CDIN1: variants seen among roughly 807,000 people sequenced by gnomAD.
The protein encoded by CDIN1 is CDAN1-interacting nuclease 1.
A neutral mutation model predicts 45.3 loss-of-function variants in CDIN1; 33 were observed. That is an observed-to-expected ratio of 0.73 (90% confidence interval 0.55 to 0.97). The LOEUF (loss-of-function observed/expected upper bound fraction) is 0.97, where lower values mean the gene tolerates loss of function less well. Ranked by LOEUF, CDIN1 falls within the 50% of genes least tolerant of loss-of-function variation. The pLI is 0.00. For missense variants in CDIN1, 303 were observed against 339.4 expected (o/e 0.89, Z 0.84); for synonymous variants, 118 against 124.4 (o/e 0.95, Z 0.34).
chr15:36,690,487 C>A (rs1418332791), intron 5 of CDIN1, among the ~76,000 whole-genome samples: 1 of 151,966 alleles, frequency 6.6e-6, no homozygotes, highest in Non-Finnish European at 1.5e-5. Context: ...CCAGGATGGT[C>A]TTGATCTCCT....
intron 4 of CDIN1, among the ~76,000 whole-genome samples, chr15:36,654,512 C>CAAAA (rs2040703414): frequency 1.7e-5 from 1 of 59,212 alleles, no homozygotes. Context: ...GAGATGGATG[C>CAAAA]CAAAAAAAAA....
Position 36,809,164 on chromosome 15 carries a change from C to A in CDIN1, c.*711C>A. 1 of 313,242 alleles carries A rather than the reference C, an allele frequency of 3.2e-6. No homozygotes were observed. Among genetic ancestry groups the A allele is most frequent in the South Asian group, 2.7e-5 (1 of 37,294 alleles). The allele number at this position is 313,242 out of a possible 1,614,324, so 19.4% of individuals were successfully genotyped here. On this transcript the variant is annotated 3_prime_UTR_variant, in exon 11 of 11. Coordinates refer to ENST00000566621, the MANE Select transcript of CDIN1 (RefSeq NM_001321759.2). ...TGAACACCACATATTTTAGATTTAT[C>A]TTATTTGAAAGTATTAGTTCCATTG... is the stretch of plus-strand genomic sequence containing the variant.
At position 36,807,355 on chromosome 15, in the gene CDIN1, A is replaced by T. The variant is rs576528970; in HGVS notation, c.717-969A>T. Among the ~76,000 whole-genome samples, 4 of 152,276 alleles carry T rather than the reference A, an allele frequency of 2.6e-5. No homozygotes were observed. The East Asian group carries it at 7.7e-4, about 29-fold the overall frequency. On this transcript the variant is annotated intron_variant, in intron 10 of 10. Coordinates refer to ENST00000566621, the MANE Select transcript of CDIN1 (RefSeq NM_001321759.2). The stretch of plus-strand genomic sequence containing the variant: ...ATGCTTTTACTAACCCAACATTCAT[A>T]ATTTATTATTTCACTGTAAAATTCC...
chr15:36,752,066 T>C (rs2053490247), intron 10 of CDIN1, among the ~76,000 whole-genome samples: 1 of 152,126 alleles, frequency 6.6e-6, no homozygotes, highest in African/African-American at 2.4e-5. Context: ...CTTAGGTGAT[T>C]GGTCGATAGG....
chr15:36,714,703 G>A (rs1206730206), intron 10 of CDIN1, among the ~76,000 whole-genome samples: 1 of 152,030 alleles, frequency 6.6e-6, no homozygotes, highest in Non-Finnish European at 1.5e-5. Context: ...AAGGTGTCAA[G>A]CACATGCCCA....
intron 5 of CDIN1, among the ~76,000 whole-genome samples, chr15:36,659,663 T>A (rs1466015774): frequency 6.6e-6 from 1 of 151,460 alleles, no homozygotes; most frequent in Middle Eastern, 3.2e-3. Context: ...ATGACAGATA[T>A]TTGATGTTAT....
At chr15:36,782,205 A>C (rs1247256235) in intron 10 of CDIN1, among the ~76,000 whole-genome samples, 1 of 152,206 alleles carries the variant, frequency 6.6e-6, no homozygotes, top group Non-Finnish European at 1.5e-5. Flanking sequence ...CATAATTTAT[A>C]AACTAAATTA....
At chr15:36,609,934 A>G (rs1413641987) in intron 1 of CDIN1, among the ~76,000 whole-genome samples, 1 of 152,212 alleles carries the variant, frequency 6.6e-6, no homozygotes, top group African/African-American at 2.4e-5. Flanking sequence ...AACTTTCTAC[A>G]GTCTGAGAGA....
intron 2 of CDIN1, among the ~76,000 whole-genome samples, chr15:36,644,807 T>C (rs2040245392): frequency 6.6e-6 from 1 of 152,200 alleles, no homozygotes; most frequent in South Asian, 2.1e-4. Flanking sequence ...TTAAGCAATG[T>C]TCTTCCTGGT....
intron 1 of CDIN1, among the ~76,000 whole-genome samples, chr15:36,640,148 A>G (rs1005137677): frequency 3.3e-5 from 5 of 152,148 alleles, no homozygotes; most frequent in South Asian, 4.1e-4. Context: ...TAGTAGTATT[A>G]TATCAAAGTT....
chr15:36,695,774 G>A (rs139535607), intron 7 of CDIN1, among the ~76,000 whole-genome samples: 147 of 151,998 alleles, frequency 9.7e-4, no homozygotes, highest in African/African-American at 3.5e-3. Flanking sequence ...TTGAACCCAG[G>A]AGACAGAGGT....
intron 1 of CDIN1, among the ~76,000 whole-genome samples, chr15:36,620,342 C>T (rs1321148903): frequency 6.6e-6 from 1 of 151,918 alleles, no homozygotes; most frequent in East Asian, 1.9e-4. Context: ...CAAAGCGAAA[C>T]TCTGTCTCAA....
chr15:36,741,023 A>T (rs2044218406), intron 10 of CDIN1, among the ~76,000 whole-genome samples: 1 of 152,038 alleles, frequency 6.6e-6, no homozygotes, highest in Non-Finnish European at 1.5e-5. Flanking sequence ...TGCAGCCTCT[A>T]GCTCCTGGGC....
chr15:36,618,048 GTAT>G, intron 1 of CDIN1: 2 of 774,144 alleles, frequency 2.6e-6, no homozygotes, highest in South Asian at 2.7e-5. Flanking sequence ...TCGGTCTATA[GTAT>G]TATTCCTCAG....
intron 10 of CDIN1, among the ~76,000 whole-genome samples, chr15:36,794,746 G>T (rs1595608074): frequency 1.3e-5 from 2 of 152,034 alleles, no homozygotes; most frequent in African/African-American, 4.8e-5. Flanking sequence ...TTTTTAAAAA[G>T]CAAATATTAA....
intron 7 of CDIN1, chr15:36,696,521 C>T (rs1289196589): frequency 6.6e-6 from 1 of 152,216 alleles, no homozygotes; most frequent in African/African-American, 2.4e-5. Context: ...GTATTCTTTA[C>T]TGTACCTATT....
At chr15:36,709,100 A>G (rs1159183409) in intron 8 of CDIN1, 123 bp from the exon 9 acceptor site, 5 of 691,996 alleles carry the variant, frequency 7.2e-6, no homozygotes, top group South Asian at 3.1e-5. Context: ...CACTGCATGC[A>G]TAAGAAAGAT....
intron 3 of CDIN1, among the ~76,000 whole-genome samples, chr15:36,649,747 C>T (rs1176093469): frequency 2.0e-5 from 3 of 152,142 alleles, no homozygotes; most frequent in African/African-American, 4.8e-5. Context: ...CAAGTTGCCC[C>T]GGACACCCCG....
chr15:36,720,210 G>C (rs74994491), intron 10 of CDIN1, among the ~76,000 whole-genome samples: 21,007 of 146,792 alleles, frequency 0.14, 1,605 homozygotes, highest in East Asian at 0.3. Flanking sequence ...GTTGATTTTA[G>C]TTCATTTTTT....
Sources: allele counts gnomAD v4.1 joint callset (sites outside exome capture counted in the v4.1 genomes callset), GRCh38; gene constraint gnomAD v4.1.1; transcripts MANE v1.5; gene names NCBI Gene and HGNC (gene_info 2026-07-23, HGNC 2026-07-21).